EFNB2: variants seen among roughly 807,000 people sequenced by gnomAD.
EFNB2 encodes ephrin B2, also known as ephrin-B2.
Under a neutral mutation model 32.1 loss-of-function variants are expected in EFNB2, and 5 were observed. The ratio of observed to expected loss-of-function variants is 0.16; its 90% confidence interval spans 0.08 to 0.33. The LOEUF (loss-of-function observed/expected upper bound fraction) is 0.33. Ranked by LOEUF, EFNB2 falls within the 10% of genes least tolerant of loss-of-function variation. The probability of loss-of-function intolerance (pLI) is 1.00; values close to 1 mark genes in which losing one functional copy is unlikely to be tolerated. For missense variants in EFNB2, 263 were observed against 422.6 expected (o/e 0.62, Z 3.31); for synonymous variants, 168 against 166.5 (o/e 1.01, Z -0.07).
In EFNB2 at chr13:106,535,066, G is replaced by T; in HGVS notation, c.-102C>A. ...CCGGGGCAGACTGGCGGGGAAGACG[G>T]CGTGCGCCCGCAGGCAGCTCCGAGG... On this transcript the variant is annotated 5_prime_UTR_variant, in exon 1 of 5. Transcript: ENST00000646441. The T allele has an allele frequency of 3.3e-6, 5 of 1,496,210 alleles. No homozygotes were observed. Among genetic ancestry groups the T allele is most frequent in the Non-Finnish European group, 4.5e-6 (5 of 1,120,664 alleles). 92.7% of individuals were successfully genotyped at this position (1,496,210 alleles called of 1,614,324 possible).
At chr13:106,496,048 C>T (rs537728533) in intron 2 of EFNB2, among the ~76,000 whole-genome samples, 4 of 152,216 alleles carry the variant, frequency 2.6e-5, no homozygotes, top group East Asian at 1.9e-4. Flanking sequence ...GAAACACTGC[C>T]GCACGTATGC....
intron 1 of EFNB2, among the ~76,000 whole-genome samples, chr13:106,521,999 C>A (rs201080629): frequency 1.3e-5 from 2 of 150,490 alleles, no homozygotes; most frequent in African/African-American, 4.9e-5. Context: ...AAATTAAAGA[C>A]AAAACTCAAC....
rs752089244 is a variant in EFNB2, at chr13:106,493,263, G to A, written c.779C>T (p.Ser260Leu). The A allele has an allele frequency of 2.0e-5, 33 of 1,614,072 alleles. No individual in the cohort carries two copies. Among genetic ancestry groups the A allele is most frequent in the South Asian group, 2.0e-4 (18 of 91,088 alleles). Residue 260 changes from serine (S) to leucine (L), a missense_variant, in exon 5 of 5, where the codon TCG (serine) becomes TTG (leucine). Coordinates refer to ENST00000646441, the MANE Select transcript of EFNB2 (RefSeq NM_004093.4). The surrounding 1 kb of genome is among the most constrained non-coding windows in gnomAD (Gnocchi z 6.1). ...LKYRRRHRKH[S>L]PQHTTTLSLS... is the part of the protein sequence containing the mutation. ...CGACAGCGTGGTCGTGTGCTGCGGC[G>A]AGTGCTTCCTGTGTCTCCTCCGGTA...
At chr13:106,503,845 G>A (rs974912640) in intron 2 of EFNB2, among the ~76,000 whole-genome samples, 4 of 151,996 alleles carry the variant, frequency 2.6e-5, no homozygotes, top group Non-Finnish European at 4.4e-5. Flanking sequence ...AAAAATAGGC[G>A]GCCAGATGAC....
At chr13:106,501,547 C>G in intron 2 of EFNB2, among the ~76,000 whole-genome samples, 1 of 152,220 alleles carries the variant, frequency 6.6e-6, no homozygotes, top group South Asian at 2.1e-4. Flanking sequence ...TATACTTTCC[C>G]CTAAATGGCC....
chr13:106,496,131 T>TA (rs1878580687), intron 2 of EFNB2, among the ~76,000 whole-genome samples: 1 of 152,188 alleles, frequency 6.6e-6, no homozygotes. Context: ...AGTCTATAAA[T>TA]AAAAGGGATG....
At chr13:106,501,532 T>A (rs1233598610) in intron 2 of EFNB2, among the ~76,000 whole-genome samples, 1 of 152,274 alleles carries the variant, frequency 6.6e-6, no homozygotes, top group South Asian at 2.1e-4. Context: ...GAGCAAGTTT[T>A]ATGGTATACT....
rs560001699 is a variant in EFNB2 at position 106,523,557 on chromosome 13, G to A, written c.123-10745C>T. Among the ~76,000 whole-genome samples, 15 of 152,264 alleles carry A rather than the reference G, an allele frequency of 9.9e-5. No individual in the cohort carries two copies. The East Asian group carries it at 1.4e-3, about 14-fold the overall frequency. On this transcript the variant is annotated intron_variant, in intron 1 of 4. Transcript: ENST00000646441. Reference sequence around the variant, plus strand: ...TGGTTGTTGGAGACCTCTGGCCGGCGGCTGCATGGTCTCCAGGTAAGCAGA... The same window carrying A: ...TGGTTGTTGGAGACCTCTGGCCGGCAGCTGCATGGTCTCCAGGTAAGCAGA...
At chr13:106,530,441 T>A (rs1005624050) in intron 1 of EFNB2, among the ~76,000 whole-genome samples, 5 of 152,222 alleles carry the variant, frequency 3.3e-5, no homozygotes, top group African/African-American at 1.2e-4. Flanking sequence ...TGTAGATGTA[T>A]ATTAAGTGAC....
chr13:106,514,037 A>G (rs1323302396), intron 1 of EFNB2, among the ~76,000 whole-genome samples: 4 of 152,194 alleles, frequency 2.6e-5, no homozygotes, highest in African/African-American at 9.6e-5. Flanking sequence ...AGCACAAAAC[A>G]TAACAGAAAT....
chr13:106,532,077 A>C (rs557014225), intron 1 of EFNB2, among the ~76,000 whole-genome samples: 2,329 of 40,752 alleles, frequency 0.057, 57 homozygotes, highest in African/African-American at 0.14. Flanking sequence ...CAAAAAAAAA[A>C]CCAAAACTTT....
In EFNB2 at chr13:106,492,947, C is replaced by T; in HGVS notation, c.*93G>A. On this transcript the variant is annotated 3_prime_UTR_variant, in exon 5 of 5. Coordinates refer to ENST00000646441, the MANE Select transcript of EFNB2 (RefSeq NM_004093.4). The surrounding 1 kb of genome is among the most constrained non-coding windows in gnomAD (Gnocchi z 5.1). ...CTCTCCCCCGGTGCTGTGCTTCAGTCAATTCTCCAGCACGCGGGCTCTCAA... is the reference window on the plus strand; with the variant it reads ...CTCTCCCCCGGTGCTGTGCTTCAGTTAATTCTCCAGCACGCGGGCTCTCAA... 6.7e-7 allele frequency: 1 copy of T among 1,483,214 alleles called. No individual in the cohort carries two copies. Among genetic ancestry groups the T allele is most frequent in the Non-Finnish European group, 9.0e-7 (1 of 1,107,718 alleles). The allele number at this position is 1,483,214 out of a possible 1,614,324, so 91.9% of individuals were successfully genotyped here. A position where few individuals can be genotyped will look rare whatever the true frequency, so the allele number is the denominator to read the frequency against.
chr13:106,528,599 G>A (rs752151909), intron 1 of EFNB2, among the ~76,000 whole-genome samples: 3 of 152,164 alleles, frequency 2.0e-5, no homozygotes, highest in Non-Finnish European at 2.9e-5. Flanking sequence ...TGTCTTGAGA[G>A]TTCAGACTCT....
In EFNB2 at chr13:106,535,603, C is replaced by T. The variant is rs1880057041; in HGVS notation, c.-639G>A. The T allele has an allele frequency of 6.6e-6, 1 of 150,536 alleles. No homozygotes were observed. Among genetic ancestry groups the T allele is most frequent in the African/African-American group, 2.4e-5 (1 of 41,164 alleles). The allele number at this position is 150,536 out of a possible 1,614,324, so 9.3% of individuals were successfully genotyped here. A position where few individuals can be genotyped will look rare whatever the true frequency, so the allele number is the denominator to read the frequency against. ...TGTGTGCGGGGAGGGCGCCGGGACC[C>T]GCTGCGTGCGCAGCTCCTCGCTCCG... On this transcript the variant is annotated 5_prime_UTR_variant, in exon 1 of 5. Transcript: ENST00000646441.
intron 2 of EFNB2, among the ~76,000 whole-genome samples, chr13:106,499,499 G>A (rs1295757443): frequency 2.0e-5 from 3 of 152,154 alleles, no homozygotes; most frequent in Non-Finnish European, 4.4e-5. Flanking sequence ...TCATTTGAAT[G>A]TACTGGGAAT....
chr13:106,499,271 T>TA (rs3215767), intron 2 of EFNB2, among the ~76,000 whole-genome samples: 47,333 of 148,026 alleles, frequency 0.32, 9,329 homozygotes, highest in Non-Finnish European at 0.44. Flanking sequence ...GTGACACAGC[T>TA]AAAAAAAAAA....
chr13:106,495,553 T>C (rs972733257), intron 3 of EFNB2, among the ~76,000 whole-genome samples, 195 bp downstream of exon 3: 1 of 152,196 alleles, frequency 6.6e-6, no homozygotes, highest in Non-Finnish European at 1.5e-5. Flanking sequence ...CTTGCTGATC[T>C]TAACTCTTAG....
At chr13:106,502,324 G>C (rs1199813696) in intron 2 of EFNB2, among the ~76,000 whole-genome samples, 2 of 152,152 alleles carry the variant, frequency 1.3e-5, no homozygotes, top group African/African-American at 4.8e-5. Context: ...TATGACTGAA[G>C]ATGTTATCAA....
intron 1 of EFNB2, among the ~76,000 whole-genome samples, chr13:106,532,079 C>CAAAAAAAAAAAAA (rs1404488142): frequency 2.4e-5 from 1 of 41,836 alleles, no homozygotes; most frequent in Admixed American, 3.5e-4. Flanking sequence ...AAAAAAAAAC[C>CAAAAAAAAAAAAA]AAAACTTTAA....
Sources: gnomAD v4.1 joint callset for allele counts (sites outside exome capture counted in the v4.1 genomes callset) on GRCh38, gnomAD v4.1.1 for gene constraint, Gnocchi (gnomAD v3.1) non-coding constraint, MANE v1.5 for transcripts, NCBI Gene and HGNC (gene_info 2026-07-23, HGNC 2026-07-21) for gene names.